The following FAM169A variants were observed in gnomAD, a reference collection of about 807,000 sequenced individuals.
The protein encoded by FAM169A is soluble lamin-associated protein of 75 kDa.
Under a neutral mutation model 75.7 loss-of-function variants are expected in FAM169A, and 24 were observed. The observed-to-expected ratio is 0.32, with a 90% CI of 0.23 to 0.45. The LOEUF (loss-of-function observed/expected upper bound fraction) is 0.45. FAM169A is among the 20% of genes least tolerant of loss of function. FAM169A has a pLI of 1.00. For missense variants in FAM169A, 673 were observed against 784.0 expected (o/e 0.86, Z 1.69); for synonymous variants, 271 against 271.0 (o/e 1.00, Z 0.00).
chr5:74,834,649 C>T, intron 4 of FAM169A, 52 bp from the exon 5 acceptor site: 1 of 1,327,126 alleles, frequency 7.5e-7, no homozygotes, highest in Non-Finnish European at 1.0e-6. Flanking sequence ...GCATCAATCA[C>T]AAGATGCTAT....
At chr5:74,804,634 A>G in intron 7 of FAM169A, 29 bp from the exon 8 acceptor site, 1 of 1,269,940 alleles carries the variant, frequency 7.9e-7, no homozygotes, top group South Asian at 1.3e-5. Flanking sequence ...TAAAAACTGT[A>G]ACCGAATCAG....
intron 1 of FAM169A, among the ~76,000 whole-genome samples, chr5:74,845,157 AAGATATGATGATGATAAG>A (rs1435275484): frequency 6.6e-6 from 1 of 152,220 alleles, no homozygotes; most frequent in Non-Finnish European, 1.5e-5. Flanking sequence ...CTGAATTTTC[AAGATATGATGATGATAAG>A]AGGAACTATT....
chr5:74,832,902 A>G (rs1748388113), intron 5 of FAM169A, among the ~76,000 whole-genome samples: 1 of 152,036 alleles, frequency 6.6e-6, no homozygotes, highest in Non-Finnish European at 1.5e-5. Context: ...TTAGAGATAT[A>G]TGGAAGGGAC....
At chr5:74,801,514 T>G in intron 9 of FAM169A, 76 bp downstream of exon 9, 2 of 1,102,458 alleles carry the variant, frequency 1.8e-6, no homozygotes, top group Non-Finnish European at 2.8e-6. Context: ...CACACACACA[T>G]GCATGCACAC....
intron 5 of FAM169A, among the ~76,000 whole-genome samples, chr5:74,823,963 AG>A (rs1747888023): frequency 6.6e-6 from 1 of 152,218 alleles, no homozygotes; most frequent in Admixed American, 6.5e-5. Flanking sequence ...TTTAGTGAAC[AG>A]GAAGTGAGTA....
intron 11 of FAM169A, among the ~76,000 whole-genome samples, chr5:74,790,987 G>A (rs756617056): frequency 1.3e-5 from 2 of 152,086 alleles, no homozygotes; most frequent in Non-Finnish European, 2.9e-5. Flanking sequence ...ACTACCACCC[G>A]TGGACTCGCG....
chr5:74,803,899 A>T (rs942624359), intron 8 of FAM169A, among the ~76,000 whole-genome samples: 43 of 152,198 alleles, frequency 2.8e-4, no homozygotes, highest in Middle Eastern at 3.2e-3. Context: ...AATTACATAT[A>T]CACAAGGATT....
intron 2 of FAM169A, among the ~76,000 whole-genome samples, chr5:74,840,657 A>G (rs188779646): frequency 2.1e-3 from 317 of 151,970 alleles, no homozygotes; most frequent in African/African-American, 7.1e-3. Context: ...GTGAAACCCC[A>G]TCTTTACTAA....
At chr5:74,857,593 A>AAC (rs1749787810) in intron 1 of FAM169A, among the ~76,000 whole-genome samples, 1 of 134,820 alleles carries the variant, frequency 7.4e-6, no homozygotes. Context: ...AAAAAAAAAA[A>AAC]AAAAAAAAAA....
chr5:74,821,736 C>T (rs1386324405), intron 5 of FAM169A, among the ~76,000 whole-genome samples: 2 of 152,204 alleles, frequency 1.3e-5, no homozygotes, highest in African/African-American at 4.8e-5. Context: ...TTCCTCCTCA[C>T]AATCATGAAG....
intron 11 of FAM169A, among the ~76,000 whole-genome samples, chr5:74,785,350 TATTTCCATAAACATCTAG>T (rs1745645298): frequency 6.6e-6 from 1 of 152,126 alleles, no homozygotes; most frequent in African/African-American, 2.4e-5. Flanking sequence ...CACAAATACG[TATTTCCATAAACATCTAG>T]ATGCATACAA....
At chr5:74,843,562 C>A (rs889781795) in intron 1 of FAM169A, among the ~76,000 whole-genome samples, 3 of 151,990 alleles carry the variant, frequency 2.0e-5, no homozygotes, top group African/African-American at 4.8e-5. Flanking sequence ...TCTCATTTGG[C>A]GGGGAAAAGA....
chr5:74,796,156 G>A lies in FAM169A; in HGVS notation c.1134C>T (p.Ser378=). 1 of 1,613,844 alleles carries A rather than the reference G, an allele frequency of 6.2e-7. No individual in the cohort carries two copies. The highest frequency in any genetic ancestry group is 2.2e-5 in the East Asian group (1 of 44,870). ...KLESTARPSE[S]SEEFLEEEPE... ...GTTCTTCTTCCAGGAATTCTTCTGAGCTCTCTGATGGGCGTGCAGTAGACT... is the reference window on the plus strand; with the variant it reads ...GTTCTTCTTCCAGGAATTCTTCTGAACTCTCTGATGGGCGTGCAGTAGACT... Residue 378 remains serine, a synonymous_variant, in exon 11 of 13, where the codon AGC becomes AGT. Coordinates refer to ENST00000687041, the MANE Select transcript of FAM169A (RefSeq NM_001376049.1).
At chr5:74,852,249 C>T (rs1355630827) in intron 1 of FAM169A, among the ~76,000 whole-genome samples, 1 of 152,146 alleles carries the variant, frequency 6.6e-6, no homozygotes, top group Non-Finnish European at 1.5e-5. Flanking sequence ...GGAAAAATGG[C>T]AGCCCCTGAA....
At chr5:74,786,777 T>C (rs556763740) in intron 11 of FAM169A, among the ~76,000 whole-genome samples, 1 of 152,134 alleles carries the variant, frequency 6.6e-6, no homozygotes, top group Non-Finnish European at 1.5e-5. Context: ...CCTCTTATCA[T>C]GTAAGTGGCT....
chr5:74,826,724 T>C (rs922391496), intron 5 of FAM169A, among the ~76,000 whole-genome samples: 1 of 152,218 alleles, frequency 6.6e-6, no homozygotes, highest in African/African-American at 2.4e-5. Context: ...ACCCTAATGT[T>C]AACATCCTAT....
At chr5:74,852,047 A>G (rs1749469816) in intron 1 of FAM169A, among the ~76,000 whole-genome samples, 1 of 152,208 alleles carries the variant, frequency 6.6e-6, no homozygotes, top group African/African-American at 2.4e-5. Context: ...ATTTTAAAGG[A>G]AACATGTCTA....
intron 6 of FAM169A, among the ~76,000 whole-genome samples, chr5:74,808,933 T>C (rs1747027331): frequency 6.6e-6 from 1 of 152,226 alleles, no homozygotes; most frequent in Non-Finnish European, 1.5e-5. Context: ...AGGACACTAG[T>C]CTATCATTTT....
chr5:74,862,038 A>G (rs1304807403), intron 1 of FAM169A, among the ~76,000 whole-genome samples: 1 of 152,128 alleles, frequency 6.6e-6, no homozygotes, highest in Non-Finnish European at 1.5e-5. Context: ...TTCCACCTCA[A>G]ATACTGCCTT....
Sources: gnomAD v4.1 joint callset for allele counts (sites outside exome capture counted in the v4.1 genomes callset) on GRCh38, gnomAD v4.1.1 for gene constraint, MANE v1.5 for transcripts, NCBI Gene and HGNC (gene_info 2026-07-23, HGNC 2026-07-21) for gene names.